BAHCC1: variants seen among roughly 807,000 people sequenced by gnomAD.
BAHCC1 encodes BAH and coiled-coil domain-containing protein 1.
In BAHCC1, 43 loss-of-function variants were observed where a neutral mutation model predicts 88.2. The observed-to-expected ratio is 0.49, with a 90% CI of 0.38 to 0.63. BAHCC1 has a LOEUF of 0.63. BAHCC1 is among the 20% of genes least tolerant of loss of function. The pLI is 0.00. For missense variants in BAHCC1, 3,023 were observed against 1,654.8 expected (o/e 1.83, Z -14.34); for synonymous variants, 1,510 against 745.5 (o/e 2.03, Z -16.71).
Position 81,414,684 on chromosome 17 carries a change from G to T in BAHCC1, c.179-12116G>T, listed in dbSNP as rs548852400. On this transcript the variant is annotated intron_variant, in intron 2 of 27. Transcript: ENST00000675386. ...CCGTGCGGCAGGAGCGCTGGCCGTC[G>T]GGAGGGCCTGGTGTGGCCGTCGGGG... Among the ~76,000 whole-genome samples, 23 of 152,310 alleles carry T rather than the reference G, an allele frequency of 1.5e-4. No homozygotes were observed. The South Asian group carries it at 4.8e-3, about 32-fold the overall frequency.
chr17:81,430,065 T>C (rs1864946564), intron 3 of BAHCC1, among the ~76,000 whole-genome samples: 1 of 151,430 alleles, frequency 6.6e-6, no homozygotes, highest in African/African-American at 2.4e-5. Context: ...TGGGCCTCTC[T>C]GGGGCTTGGG....
chr17:81,415,779 C>G lies in BAHCC1; in HGVS notation c.179-11021C>G, dbSNP rs564914405. 3.9e-5 allele frequency among the ~76,000 whole-genome samples: 6 copies of G among 152,380 alleles called. No individual in the cohort carries two copies. The East Asian group carries it at 7.7e-4, about 20-fold the overall frequency. Reference sequence around the variant, plus strand: ...TGTCCCTGCTCCCTGACCTACCCCCCAGCCCTGCTTAAGCTGACTGACACA... The same window carrying G: ...TGTCCCTGCTCCCTGACCTACCCCCGAGCCCTGCTTAAGCTGACTGACACA... On this transcript the variant is annotated intron_variant, in intron 2 of 27. Transcript: ENST00000675386.
chr17:81,462,157 A>C (rs2030354512), intron 26 of BAHCC1, 111 bp downstream of exon 26: 1 of 602,280 alleles, frequency 1.7e-6, no homozygotes, highest in Admixed American at 3.0e-5. Flanking sequence ...CTTGATTTCA[A>C]GTTAAAAAAT....
rs200216904 is a variant in BAHCC1, at chr17:81,443,164, C to T, written c.1815C>T (p.Tyr605=). ...AISEERKAGA[Y]LDPFGSGLQQ... is the part of the protein sequence containing the mutation. ...GCGAGGAGCGCAAGGCTGGCGCCTA[C>T]CTGGACCCCTTTGGCAGTGGCCTGC... Residue 605 remains tyrosine, a synonymous_variant, in exon 5 of 28, where the codon TAC becomes TAT. Coordinates refer to ENST00000675386, the MANE Select transcript of BAHCC1 (RefSeq NM_001377448.1). The T allele has an allele frequency of 9.9e-4, 772 of 778,820 alleles. 2 individuals are homozygous for T. The highest frequency in any genetic ancestry group is 1.6e-3 in the Non-Finnish European group (668 of 417,548). The allele number at this position is 778,820 out of a possible 1,614,324, so 48.2% of individuals were successfully genotyped here.
intron 2 of BAHCC1, chr17:81,422,008 C>T: frequency 3.4e-6 from 1 of 294,798 alleles, no homozygotes; most frequent in Non-Finnish European, 6.7e-6. Context: ...TCCGCTTCCT[C>T]TCGTGATTTT....
intron 14 of BAHCC1, among the ~76,000 whole-genome samples, chr17:81,453,247 G>T (rs552934427): frequency 1.3e-5 from 2 of 152,204 alleles, no homozygotes; most frequent in Non-Finnish European, 2.9e-5. Context: ...AGCTGCTCAC[G>T]GCTGCCGGCG....
intron 26 of BAHCC1, 43 bp from the exon 27 acceptor site, chr17:81,462,697 G>GC (rs781832373): frequency 5.6e-6 from 4 of 717,254 alleles, no homozygotes; most frequent in Admixed American, 1.9e-5. Context: ...TGTCCCCACA[G>GC]CCCCCCGGCC....
Position 81,399,723 on chromosome 17 carries a change from C to CGGGGCCGGGGCCG in BAHCC1, c.-5_-4insGGGGGCCGGGGCC. ...CTGCTCCGAGGAAGCGGCGGCGGAC[C>CGGGGCCGGGGCCG]GGGGCCGGGGCCCGGCATGGATGGC... On this transcript the variant is annotated 5_prime_UTR_variant, in exon 2 of 28. Transcript: ENST00000675386. This position sits in a 1 kb window ranked among gnomAD's most constrained non-coding sequence, Gnocchi z 4.5. 1.3e-5 allele frequency: 14 copies of CGGGGCCGGGGCCG among 1,058,892 alleles called. No homozygotes were observed. The highest frequency in any genetic ancestry group is 1.6e-5 in the Non-Finnish European group (14 of 880,126). 65.6% of individuals were successfully genotyped at this position (1,058,892 alleles called of 1,614,324 possible).
Position 81,464,063 on chromosome 17 carries a change from G to A in BAHCC1, c.*246G>A, listed in dbSNP as rs1318650764. 6 of 563,748 alleles carry A rather than the reference G, an allele frequency of 1.1e-5. No individual in the cohort carries two copies. The highest frequency in any genetic ancestry group is 6.3e-5 in the South Asian group (3 of 47,862). The allele number at this position is 563,748 out of a possible 1,614,324, so 34.9% of individuals were successfully genotyped here. On this transcript the variant is annotated 3_prime_UTR_variant, in exon 28 of 28. Coordinates refer to ENST00000675386, the MANE Select transcript of BAHCC1 (RefSeq NM_001377448.1). The stretch of plus-strand genomic sequence containing the variant: ...CGGGCTGTGGCCCTCATGGGTCCCC[G>A]GCCCGCCCCACCCACAGCGCCCTCC...
rs1392012589 is a variant in BAHCC1, at chr17:81,444,037, C to A, written c.2324+120C>A. On this transcript the variant is annotated intron_variant, in intron 6 of 27. Coordinates refer to ENST00000675386, the MANE Select transcript of BAHCC1 (RefSeq NM_001377448.1). ...CTGGGGCAGCAGATTCTATGGCCGG[C>A]CGTGGGTGGGGTTCTCCCCACCCCT... 3 of 644,116 alleles carry A rather than the reference C, an allele frequency of 4.7e-6. No individual in the cohort carries two copies. The Admixed American group carries it at 6.9e-5, about 15-fold the overall frequency. The allele number at this position is 644,116 out of a possible 1,614,324, so 39.9% of individuals were successfully genotyped here. A position where few individuals can be genotyped will look rare whatever the true frequency, so the allele number is the denominator to read the frequency against.
intron 2 of BAHCC1, among the ~76,000 whole-genome samples, chr17:81,421,235 G>A (rs148903166): frequency 3.9e-5 from 6 of 152,328 alleles, no homozygotes; most frequent in African/African-American, 9.6e-5. Context: ...CCCGGTTCCC[G>A]GCTGGCCTTG....
At chr17:81,397,206 C>T (rs1409351470) in intron 1 of BAHCC1, 2 of 152,098 alleles carry the variant, frequency 1.3e-5, no homozygotes, top group African/African-American at 4.8e-5. Flanking sequence ...CGTGGCGGCG[C>T]AGGCAGGCGA....
chr17:81,400,552 T>C (rs1227095385), intron 2 of BAHCC1, among the ~76,000 whole-genome samples: 1 of 152,162 alleles, frequency 6.6e-6, no homozygotes, highest in East Asian at 1.9e-4. Context: ...GCCCAGCCTC[T>C]CAGCCTGCGG....
Position 81,426,897 on chromosome 17 carries a change from C to T in BAHCC1, c.276C>T (p.Gly92=). The T allele has an allele frequency of 2.5e-6, 1 of 399,028 alleles. No homozygotes were observed. The highest frequency in any genetic ancestry group is 4.4e-6 in the Non-Finnish European group (1 of 226,420). 24.7% of individuals were successfully genotyped at this position (399,028 alleles called of 1,614,324 possible). A position where few individuals can be genotyped will look rare whatever the true frequency, so the allele number is the denominator to read the frequency against. ...CGGCAGCCTCCACGCACCCCAGCGGCCCCAGCTCCTCCCCCCCTGAGCAGG... is the reference window on the plus strand; with the variant it reads ...CGGCAGCCTCCACGCACCCCAGCGGTCCCAGCTCCTCCCCCCCTGAGCAGG... ...LGSAASTHPS[G]PSSSPPEQAY... The change falls in exon 3 of 28, where the codon GGC becomes GGT. Residue 92 remains glycine (G), a synonymous_variant. Coordinates refer to ENST00000675386, the MANE Select transcript of BAHCC1 (RefSeq NM_001377448.1).
At chr17:81,427,841 G>A (rs1796147215) in intron 3 of BAHCC1, among the ~76,000 whole-genome samples, 1 of 152,320 alleles carries the variant, frequency 6.6e-6, no homozygotes, top group African/African-American at 2.4e-5. Context: ...TGAGCGGCGG[G>A]CGTCGTGTTT....
At position 81,456,545 on chromosome 17, in the gene BAHCC1, G is replaced by A; in HGVS notation, c.4818G>A (p.Arg1606=). ...GCCACGGCAGCCGGGAGACACCCAG[G>A]TGCCCAGCCCAGCCCTCCGTGGCTG... ...PKGHGSRETP[R]CPAQPSVAAS... Residue 1606 remains arginine (R), a synonymous_variant, in exon 16 of 28, where the codon AGG becomes AGA. Transcript: ENST00000675386. 1.4e-6 allele frequency: 1 copy of A among 715,218 alleles called. No homozygotes were observed. 44.3% of individuals were successfully genotyped at this position (715,218 alleles called of 1,614,324 possible).
At chr17:81,448,690 C>G (rs2064578470) in intron 11 of BAHCC1, among the ~76,000 whole-genome samples, 2 of 151,996 alleles carry the variant, frequency 1.3e-5, no homozygotes, top group African/African-American at 4.8e-5. Context: ...CAGTGCATTT[C>G]CCCAGGGGCC....
At chr17:81,401,034 GTTA>G (rs1325416319) in intron 2 of BAHCC1, 7 of 152,260 alleles carry the variant, frequency 4.6e-5, no homozygotes, top group South Asian at 2.1e-4. Flanking sequence ...GGCAGTAACA[GTTA>G]TTATTGGTAG....
At chr17:81,425,969 G>A (rs1598472953) in intron 2 of BAHCC1, among the ~76,000 whole-genome samples, 1 of 147,662 alleles carries the variant, frequency 6.8e-6, no homozygotes, top group African/African-American at 2.5e-5. Flanking sequence ...TGTGGTTGGT[G>A]GTGATAGTGG....
Sources: gnomAD v4.1 joint callset for allele counts (sites outside exome capture counted in the v4.1 genomes callset) on GRCh38, gnomAD v4.1.1 for gene constraint, Gnocchi (gnomAD v3.1) non-coding constraint, MANE v1.5 for transcripts, NCBI Gene and HGNC (gene_info 2026-07-23, HGNC 2026-07-21) for gene names.